Variants in DAB2 observed in about 807,000 individuals in gnomAD.
DAB2 encodes the protein DAB adaptor protein 2.
Under a neutral mutation model 71.6 loss-of-function variants are expected in DAB2, and 28 were observed. The observed-to-expected ratio is 0.39, with a 90% CI of 0.29 to 0.54. The LOEUF is 0.54. Ranked by LOEUF, DAB2 falls within the 20% of genes least tolerant of loss-of-function variation. DAB2 has a pLI of 0.68. For synonymous variants in DAB2, 345 were observed against 339.7 expected (o/e 1.02, Z -0.17); for missense variants, 867 against 928.8 (o/e 0.93, Z 0.86).
intron 1 of DAB2, among the ~76,000 whole-genome samples, chr5:39,416,675 G>A (rs1755852730): frequency 6.6e-6 from 1 of 152,048 alleles, no homozygotes; most frequent in Non-Finnish European, 1.5e-5. Context: ...CTCAAGATGT[G>A]TGGTCTCAGG....
intron 14 of DAB2, among the ~76,000 whole-genome samples, chr5:39,373,858 A>G (rs951402491): frequency 7.2e-5 from 11 of 152,158 alleles, no homozygotes; most frequent in Non-Finnish European, 1.5e-4. Context: ...TTAAATATCT[A>G]CTTACTGCTT....
At chr5:39,406,210 C>T (rs1273218789) in intron 1 of DAB2, among the ~76,000 whole-genome samples, 1 of 152,104 alleles carries the variant, frequency 6.6e-6, no homozygotes, top group Non-Finnish European at 1.5e-5. Context: ...AGACCTGGCA[C>T]AAGCATTAGG....
intron 8 of DAB2, 120 bp downstream of exon 8, chr5:39,388,675 AACAG>A (rs2112049989): frequency 2.5e-6 from 2 of 791,706 alleles, no homozygotes; most frequent in Admixed American, 5.4e-5. Context: ...TATTTTGAAA[AACAG>A]TTGTCTCAAT....
chr5:39,391,965 CAAAAA>C (rs10708821), intron 4 of DAB2, among the ~76,000 whole-genome samples: 3,515 of 141,428 alleles, frequency 0.025, 50 homozygotes, highest in South Asian at 0.047. Flanking sequence ...TACCCGAGGT[CAAAAA>C]AAAAAAAAAA....
intron 9 of DAB2, among the ~76,000 whole-genome samples, chr5:39,387,171 C>T (rs1755114464): frequency 6.6e-6 from 1 of 152,194 alleles, no homozygotes; most frequent in Non-Finnish European, 1.5e-5. Context: ...TAAGGATTCA[C>T]AGGCCTCAAA....
rs1312729959 is a variant in DAB2 at position 39,422,909 on chromosome 5, G to A, written c.-102+1895C>T. On this transcript the variant is annotated intron_variant, in intron 1 of 14. Coordinates refer to ENST00000320816, the MANE Select transcript of DAB2 (RefSeq NM_001343.4). This position sits in a 1 kb window ranked among gnomAD's most constrained non-coding sequence, Gnocchi z 4.1. The stretch of plus-strand genomic sequence containing the variant: ...AGTCTTTAGCAGAAACACAAACTCT[G>A]GAGTTTGCCCTTCACAAATTAGACA... 6.6e-6 allele frequency among the ~76,000 whole-genome samples: 1 copy of A among 152,148 alleles called. No homozygotes were observed. The highest frequency in any genetic ancestry group is 2.4e-5 in the African/African-American group (1 of 41,432).
At chr5:39,382,393 A>G (rs1230403871) in intron 10 of DAB2, among the ~76,000 whole-genome samples, 1 of 152,230 alleles carries the variant, frequency 6.6e-6, no homozygotes, top group African/African-American at 2.4e-5. Flanking sequence ...CATAAGTGAC[A>G]AGACATGCAC....
chr5:39,413,342 C>T (rs1465294621), intron 1 of DAB2, among the ~76,000 whole-genome samples: 1 of 152,136 alleles, frequency 6.6e-6, no homozygotes, highest in African/African-American at 2.4e-5. Context: ...GACCCTCAAA[C>T]TTCAAATAAA....
At position 39,392,476 on chromosome 5, in the gene DAB2, G is replaced by GC. The variant is rs1386581521; in HGVS notation, c.232-14_232-13insG. On this transcript the variant is annotated splice_polypyrimidine_tract_variant and intron_variant, in intron 3 of 14. Coordinates refer to ENST00000320816, the MANE Select transcript of DAB2 (RefSeq NM_001343.4). ...CTGCCGCCATTCCCTGATGAGGGTG[G>GC]AAAAACAAGAGAAGTTGAATTTTTA... 1 of 1,586,968 alleles carries GC rather than the reference G, an allele frequency of 6.3e-7. No homozygotes were observed. The highest frequency in any genetic ancestry group is 1.7e-5 in the Admixed American group (1 of 59,590).
At chr5:39,391,085 G>C (rs183872057) in intron 4 of DAB2, among the ~76,000 whole-genome samples, 5 of 152,250 alleles carry the variant, frequency 3.3e-5, no homozygotes, top group Admixed American at 1.3e-4. Flanking sequence ...CTGTCATCAA[G>C]TGTTTCTCAG....
chr5:39,380,565 ACAGCAAAAACTATTGT>A (rs1382316984), intron 11 of DAB2, among the ~76,000 whole-genome samples: 4 of 152,174 alleles, frequency 2.6e-5, no homozygotes, highest in Non-Finnish European at 4.4e-5. Context: ...CCATAGCAGG[ACAGCAAAAACTATTGT>A]CAGGGTTTCT....
Position 39,373,151 on chromosome 5 carries a change from C to T in DAB2, c.*280G>A, listed in dbSNP as rs4578. The stretch of plus-strand genomic sequence containing the variant: ...TAGAAGGTTCCAGGGACACAAGAGG[C>T]AGGGTTCAGTAGGGAAACTACTGTA... On this transcript the variant is annotated 3_prime_UTR_variant, in exon 15 of 15. Coordinates refer to ENST00000320816, the MANE Select transcript of DAB2 (RefSeq NM_001343.4). 0.4 allele frequency: 60,010 copies of T among 151,790 alleles called. 12,705 individuals are homozygous for T. Among genetic ancestry groups the T allele is most frequent in the Non-Finnish European group, 0.47 (31,910 of 67,922 alleles). The allele number at this position is 151,790 out of a possible 1,614,324, so 9.4% of individuals were successfully genotyped here.
intron 1 of DAB2, among the ~76,000 whole-genome samples, chr5:39,397,894 T>C (rs1021075945): frequency 6.6e-6 from 1 of 152,210 alleles, no homozygotes; most frequent in African/African-American, 2.4e-5. Context: ...GAATACATTC[T>C]ATTTTCTTCA....
At chr5:39,389,797 C>T in intron 6 of DAB2, 55 bp downstream of exon 6, 4 of 1,030,264 alleles carry the variant, frequency 3.9e-6, no homozygotes, top group East Asian at 2.6e-5. Context: ...TAGGTGTGAG[C>T]CACCATGCCC....
At position 39,381,475 on chromosome 5, in the gene DAB2, C is replaced by A. The variant is rs147190570; in HGVS notation, c.1483G>T (p.Val495Leu). The A allele has an allele frequency of 1.2e-6, 2 of 1,614,012 alleles. No homozygotes were observed. Among genetic ancestry groups the A allele is most frequent in the Non-Finnish European group, 1.7e-6 (2 of 1,179,942 alleles). Residue 495 changes from valine (V) to leucine (L), a missense_variant, in exon 11 of 15, where the codon GTG becomes TTG. Transcript: ENST00000320816. Reference sequence around the variant, plus strand: ...CTACCTAGACCCACCAGGGGCCCCACTGGGGCAGGAGCACTTGTTTTGAAG... The same window carrying A: ...CTACCTAGACCCACCAGGGGCCCCAATGGGGCAGGAGCACTTGTTTTGAAG... Reference protein sequence around the residue: ...DLFKTSAPAPVGPLVGLGGVT... With the variant: ...DLFKTSAPAPLGPLVGLGGVT...
In DAB2 at chr5:39,377,170, A is replaced by C; in HGVS notation, c.1617T>G (p.Gly539=). The C allele has an allele frequency of 6.2e-7, 1 of 1,614,058 alleles. No individual in the cohort carries two copies. The highest frequency in any genetic ancestry group is 8.5e-7 in the Non-Finnish European group (1 of 1,179,996). Residue 539 remains glycine, a synonymous_variant, in exon 12 of 15, where the codon GGT becomes GGG. Coordinates refer to ENST00000320816, the MANE Select transcript of DAB2 (RefSeq NM_001343.4). ...TACCAAAAATGACGGGCTGACTAAA[A>C]CCTGAAGGTTGACCACCCATCATGG... The part of the protein sequence containing the change: ...PGAMMGGQPS[G]FSQPVIFGTS...
rs755115810 is a variant in DAB2 at position 39,376,977 on chromosome 5, C to G, written c.1810G>C (p.Val604Leu). 2 of 1,614,044 alleles carry G rather than the reference C, an allele frequency of 1.2e-6. No homozygotes were observed. Among genetic ancestry groups the G allele is most frequent in the Admixed American group, 3.3e-5 (2 of 60,000 alleles). ...TGCATGGATGGGGGCTGAGTGGACA[C>G]AGCAGGAGCTGGAAAAATATTGCTC... ...FQSNIFPAPA[V>L]STQPPSMHSS... Residue 604 changes from valine (V) to leucine (L), a missense_variant, in exon 12 of 15, where the codon GTG (valine) becomes CTG (leucine). By Grantham distance (32) the Val-to-Leu change is conservative. Transcript: ENST00000320816.
At chr5:39,397,820 C>A (rs1755402062) in intron 1 of DAB2, among the ~76,000 whole-genome samples, 1 of 152,134 alleles carries the variant, frequency 6.6e-6, no homozygotes, top group Non-Finnish European at 1.5e-5. Flanking sequence ...TATTTATATA[C>A]TTCGATATCT....
intron 9 of DAB2, among the ~76,000 whole-genome samples, chr5:39,384,649 C>G (rs957799609): frequency 6.6e-6 from 1 of 152,088 alleles, no homozygotes; most frequent in Admixed American, 6.5e-5. Context: ...ATAAAAAATT[C>G]TCAGCTTAAA....
Sources: allele counts gnomAD v4.1 joint callset (sites outside exome capture counted in the v4.1 genomes callset), GRCh38; gene constraint gnomAD v4.1.1; non-coding constraint Gnocchi (gnomAD v3.1); transcripts MANE v1.5; gene names NCBI Gene and HGNC (gene_info 2026-07-23, HGNC 2026-07-21).